Variants in HNF4A observed in about 807,000 individuals in gnomAD.
HNF4A encodes the protein hepatocyte nuclear factor 4 alpha.
HNF4A carries 15 observed loss-of-function variants against 52.4 expected under a neutral mutation model. The ratio of observed to expected loss-of-function variants is 0.29; its 90% CI spans 0.19 to 0.44. The LOEUF (loss-of-function observed/expected upper bound fraction) is 0.44, where lower values mean the gene tolerates loss of function less well. HNF4A is among the 20% of genes least tolerant of loss of function. The pLI, the probability that HNF4A is intolerant of heterozygous loss-of-function variation, is 1.00. For missense variants in HNF4A, 479 were observed against 647.2 expected (o/e 0.74, Z 2.82); for synonymous variants, 280 against 264.4 (o/e 1.06, Z -0.57).
At chr20:44,378,918 CAAAAAA>C (rs61103959) in intron 1 of HNF4A, among the ~76,000 whole-genome samples, 1 of 129,196 alleles carries the variant, frequency 7.7e-6, no homozygotes, top group East Asian at 2.2e-4. Context: ...GACCCCGTCT[CAAAAAA>C]AAAAAAAAAA....
At chr20:44,422,641 A>G (rs2063761935) in intron 7 of HNF4A, among the ~76,000 whole-genome samples, 1 of 149,786 alleles carries the variant, frequency 6.7e-6, no homozygotes, top group Admixed American at 6.7e-5. Context: ...CTAACAAAAA[A>G]TATACATATA....
At chr20:44,421,581 C>T (rs904533979) in intron 7 of HNF4A, among the ~76,000 whole-genome samples, 3 of 151,772 alleles carry the variant, frequency 2.0e-5, no homozygotes, top group African/African-American at 7.3e-5. Flanking sequence ...TGGTGAAACC[C>T]CGTCTCTACT....
chr20:44,391,117 C>G (rs2063297042), intron 1 of HNF4A, among the ~76,000 whole-genome samples: 1 of 152,098 alleles, frequency 6.6e-6, no homozygotes, highest in African/African-American at 2.4e-5. Context: ...CCAAATCCTC[C>G]TTCCTGAGCT....
At chr20:44,401,622 C>A in intron 1 of HNF4A, 1 of 1,137,894 alleles carries the variant, frequency 8.8e-7, no homozygotes, top group Non-Finnish European at 1.3e-6. Flanking sequence ...CAGGCCAGCA[C>A]AGGTGTTGCC....
intron 1 of HNF4A, among the ~76,000 whole-genome samples, chr20:44,393,094 A>G (rs568064000): frequency 3.9e-4 from 60 of 152,264 alleles, no homozygotes; most frequent in African/African-American, 1.4e-3. Flanking sequence ...GGCTTCTGGG[A>G]TGTGGGCTCA....
intron 1 of HNF4A, among the ~76,000 whole-genome samples, chr20:44,386,159 A>ATTTTTTTTTTTTT (rs35559000): frequency 1.4e-5 from 1 of 73,062 alleles, no homozygotes; most frequent in African/African-American, 6.0e-5. Flanking sequence ...CCACCATCTG[A>ATTTTTTTTTTTTT]TTTTTTTTTT....
At chr20:44,425,323 G>A (rs1313348846) in intron 8 of HNF4A, among the ~76,000 whole-genome samples, 1 of 152,204 alleles carries the variant, frequency 6.6e-6, no homozygotes, top group African/African-American at 2.4e-5. Flanking sequence ...TGGGTAGAGA[G>A]TGAATTGCAG....
upstream of HNF4A, among the ~76,000 whole-genome samples, chr20:44,397,574 T>C (rs539064855): frequency 3.5e-4 from 54 of 152,250 alleles, 1 homozygote; most frequent in Non-Finnish European, 4.9e-4. Context: ...ATTCCTTCTA[T>C]CTCACTTATT....
rs1410863059 is a variant in HNF4A at position 44,418,437 on chromosome 20, A to C, written c.661A>C (p.Arg221=). The C allele has an allele frequency of 9.3e-6, 15 of 1,613,878 alleles. No homozygotes were observed. Among genetic ancestry groups the C allele is most frequent in the Non-Finnish European group, 1.2e-5 (14 of 1,179,912 alleles). ...TTCTCTCTTTCAGGTGGCCCTGCTC[A>C]GAGCCCATGCTGGCGAGCACCTGCT... The change falls in exon 6 of 10, where the codon AGA becomes CGA. Residue 221 remains arginine, a synonymous_variant. Transcript: ENST00000316099.
rs991880441 is a variant in HNF4A, at chr20:44,402,295, G to A, written c.115+808G>A. On this transcript the variant is annotated intron_variant, in intron 1 of 9. Coordinates refer to ENST00000316099, the MANE Select transcript of HNF4A (RefSeq NM_000457.6). ...GGATGTTTGTACATGTGTGCTGTGT[G>A]TGCGGGTCATAGAGCACATGCGTTT... Among the ~76,000 whole-genome samples the A allele has an allele frequency of 2.6e-5, 4 of 152,140 alleles. No individual in the cohort carries two copies. In the East Asian group the frequency reaches 5.8e-4, roughly 22 times the overall value.
chr20:44,394,223 A>G (rs562054612), intron 1 of HNF4A, among the ~76,000 whole-genome samples: 276 of 152,180 alleles, frequency 1.8e-3, no homozygotes, highest in African/African-American at 6.6e-3. Context: ...ATGTCTTTCA[A>G]GACATTGCCC....
chr20:44,407,757 T>TTGTGTGTGTGTGTGTG (rs35406830), intron 3 of HNF4A, among the ~76,000 whole-genome samples: 303 of 145,944 alleles, frequency 2.1e-3, no homozygotes, highest in African/African-American at 7.0e-3. Context: ...AGCAGCCACG[T>TTGTGTGTGTGTGTGTG]TGTGTGTGTG....
At chr20:44,396,260 T>C (rs2063352264), upstream of HNF4A, among the ~76,000 whole-genome samples, 1 of 152,134 alleles carries the variant, frequency 6.6e-6, no homozygotes, top group Non-Finnish European at 1.5e-5. Context: ...AGCCCCTATC[T>C]CAACAGGCAG....
chr20:44,355,711 T>C, exon 1 of HNF4A: 1 of 1,147,222 alleles, frequency 8.7e-7, no homozygotes, highest in Non-Finnish European at 1.3e-6. Flanking sequence ...ACTCACCGCC[T>C]TCCTGGTGGA....
At chr20:44,378,674 C>T (rs1600655406) in intron 1 of HNF4A, among the ~76,000 whole-genome samples, 2 of 152,090 alleles carry the variant, frequency 1.3e-5, no homozygotes, top group East Asian at 3.9e-4. Context: ...CACACTGAAA[C>T]TGTACCCATT....
At chr20:44,374,360 T>G (rs1367110555) in intron 1 of HNF4A, among the ~76,000 whole-genome samples, 1 of 152,210 alleles carries the variant, frequency 6.6e-6, no homozygotes, top group Non-Finnish European at 1.5e-5. Context: ...TGGTTGAGGT[T>G]TTGTTCCCTT....
At chr20:44,358,126 T>C (rs551565418) in intron 1 of HNF4A, among the ~76,000 whole-genome samples, 19 of 146,834 alleles carry the variant, frequency 1.3e-4, no homozygotes, top group Admixed American at 2.1e-4. Flanking sequence ...AGATCTACCT[T>C]ATTTAAAAAA....
intron 1 of HNF4A, among the ~76,000 whole-genome samples, chr20:44,377,589 C>A (rs2063099422): frequency 6.6e-6 from 1 of 151,980 alleles, no homozygotes; most frequent in African/African-American, 2.4e-5. Context: ...ATGGTGAAAC[C>A]CTATCTCTAT....
At chr20:44,399,059 A>C (rs2063378578), upstream of HNF4A, among the ~76,000 whole-genome samples, 1 of 152,140 alleles carries the variant, frequency 6.6e-6, no homozygotes, top group Non-Finnish European at 1.5e-5. Context: ...TGCCCTCCAC[A>C]TCTCTTCTGT....
Sources: allele counts gnomAD v4.1 joint callset (sites outside exome capture counted in the v4.1 genomes callset), GRCh38; gene constraint gnomAD v4.1.1; transcripts MANE v1.5; gene names NCBI Gene and HGNC (gene_info 2026-07-23, HGNC 2026-07-21).